The following RPTOR variants were observed in gnomAD, a reference collection of about 807,000 sequenced individuals.
RPTOR encodes the protein regulatory associated protein of MTOR complex 1.
A neutral mutation model predicts 169.9 loss-of-function variants in RPTOR; 21 were observed. The ratio of observed to expected loss-of-function variants is 0.12; its 90% CI spans 0.09 to 0.18. RPTOR has a LOEUF of 0.18. RPTOR is among the 10% of genes least tolerant of loss of function. The probability of loss-of-function intolerance (pLI) is 1.00; values close to 1 mark genes in which losing one functional copy is unlikely to be tolerated. For synonymous variants in RPTOR, 732 were observed against 753.2 expected (o/e 0.97, Z 0.46); for missense variants, 1,133 against 1,855.9 (o/e 0.61, Z 7.16).
intron 3 of RPTOR, among the ~76,000 whole-genome samples, chr17:80,699,953 C>T (rs2066070602): frequency 6.6e-6 from 1 of 152,114 alleles, no homozygotes; most frequent in Non-Finnish European, 1.5e-5. Flanking sequence ...TATCCAGTGT[C>T]TGGAAGAGCA....
intron 3 of RPTOR, among the ~76,000 whole-genome samples, chr17:80,647,904 C>T (rs2065609686): frequency 6.6e-6 from 1 of 152,126 alleles, no homozygotes; most frequent in Non-Finnish European, 1.5e-5. Context: ...CCATGCACAG[C>T]CCTGGTTTGT....
chr17:80,904,985 G>T (rs191363723), intron 20 of RPTOR, among the ~76,000 whole-genome samples: 1 of 151,954 alleles, frequency 6.6e-6, no homozygotes, highest in Admixed American at 6.6e-5. Context: ...CTGCACGAAG[G>T]TCGACAACAA....
intron 3 of RPTOR, among the ~76,000 whole-genome samples, chr17:80,669,849 T>A (rs1393042536): frequency 6.6e-6 from 1 of 152,236 alleles, no homozygotes; most frequent in Non-Finnish European, 1.5e-5. Flanking sequence ...TGATACTTAT[T>A]CAAATAATTC....
At chr17:80,703,401 C>T (rs995471549) in intron 3 of RPTOR, among the ~76,000 whole-genome samples, 1 of 152,130 alleles carries the variant, frequency 6.6e-6, no homozygotes, top group African/African-American at 2.4e-5. Flanking sequence ...GGCAGGCGCT[C>T]ACCCCACCTG....
chr17:80,919,945 C>T (rs192370411), intron 21 of RPTOR, among the ~76,000 whole-genome samples: 114 of 152,364 alleles, frequency 7.5e-4, no homozygotes, highest in African/African-American at 2.4e-3. Flanking sequence ...GAGAAGGGCG[C>T]CGTGTCCTCC....
At chr17:80,698,258 C>T (rs912826548) in intron 3 of RPTOR, among the ~76,000 whole-genome samples, 14 of 152,130 alleles carry the variant, frequency 9.2e-5, no homozygotes, top group East Asian at 5.8e-4. Flanking sequence ...GAGGCCAGTG[C>T]GGGCGCACCA....
chr17:80,575,031 T>G (rs1409925674), intron 1 of RPTOR, among the ~76,000 whole-genome samples: 1 of 151,936 alleles, frequency 6.6e-6, no homozygotes, highest in Non-Finnish European at 1.5e-5. Context: ...TTATTACCTT[T>G]TCCGCCATTC....
In RPTOR at chr17:80,650,925, G is replaced by T. The variant is rs115919002; in HGVS notation, c.348+7115G>T. Among the ~76,000 whole-genome samples the T allele has an allele frequency of 2.5e-3, 376 of 152,312 alleles. 2 individuals are homozygous for T. Among genetic ancestry groups the T allele is most frequent in the African/African-American group, 8.7e-3 (362 of 41,544 alleles). On this transcript the variant is annotated intron_variant, in intron 3 of 33. Coordinates refer to ENST00000306801, the MANE Select transcript of RPTOR (RefSeq NM_020761.3). Reference sequence around the variant, plus strand: ...AGTGTAATACTTTTAGAGAGAAGTAGGGGCTTAACTCTGTCCTTAACAGGC... The same window carrying T: ...AGTGTAATACTTTTAGAGAGAAGTATGGGCTTAACTCTGTCCTTAACAGGC...
chr17:80,572,928 G>A (rs1331244332), intron 1 of RPTOR, among the ~76,000 whole-genome samples: 1 of 152,124 alleles, frequency 6.6e-6, no homozygotes, highest in Non-Finnish European at 1.5e-5. Context: ...TGTATTATCT[G>A]TTAAGGCTTT....
At chr17:80,819,174 A>G (rs1208747843) in intron 7 of RPTOR, among the ~76,000 whole-genome samples, 1 of 152,176 alleles carries the variant, frequency 6.6e-6, no homozygotes, top group African/African-American at 2.4e-5. Flanking sequence ...CCTCCCCAGC[A>G]TCACCAGGGC....
intron 33 of RPTOR, among the ~76,000 whole-genome samples, 184 bp downstream of exon 33, chr17:80,963,241 G>A (rs1026472145): frequency 3.9e-5 from 6 of 152,036 alleles, no homozygotes; most frequent in Non-Finnish European, 7.4e-5. Flanking sequence ...CCCTGCACTC[G>A]CCCCGGAAGC....
At chr17:80,631,785 G>A (rs972402211) in intron 2 of RPTOR, among the ~76,000 whole-genome samples, 1 of 152,140 alleles carries the variant, frequency 6.6e-6, no homozygotes, top group African/African-American at 2.4e-5. Context: ...AGGAGGGCAG[G>A]GTGGCTGATT....
chr17:80,614,582 ACTT>A (rs1248001521), intron 1 of RPTOR, among the ~76,000 whole-genome samples: 1 of 152,278 alleles, frequency 6.6e-6, no homozygotes, highest in African/African-American at 2.4e-5. Context: ...GTTTCTCTCA[ACTT>A]CATGAGATCA....
intron 7 of RPTOR, among the ~76,000 whole-genome samples, chr17:80,798,737 T>C (rs2067126303): frequency 6.6e-6 from 1 of 152,132 alleles, no homozygotes; most frequent in African/African-American, 2.4e-5. Context: ...AGGCAGCACG[T>C]GTGTCTAAAA....
chr17:80,682,177 C>A (rs538953048), intron 3 of RPTOR, among the ~76,000 whole-genome samples: 1 of 141,026 alleles, frequency 7.1e-6, no homozygotes, highest in Admixed American at 7.7e-5. Flanking sequence ...AATCATGGGT[C>A]GCTGCAGCCT....
chr17:80,896,446 G>A (rs1446635611), intron 20 of RPTOR, among the ~76,000 whole-genome samples: 1 of 66,848 alleles, frequency 1.5e-5, no homozygotes, highest in Non-Finnish European at 3.1e-5. Context: ...CCACGGCCAT[G>A]CCGACACCCC....
intron 13 of RPTOR, among the ~76,000 whole-genome samples, chr17:80,879,451 C>T (rs574418887): frequency 2.2e-4 from 34 of 151,116 alleles, no homozygotes; most frequent in Non-Finnish European, 4.3e-4. Flanking sequence ...TCCCACATCC[C>T]GGGCCTGGAC....
At chr17:80,927,873 G>A (rs115724061) in intron 24 of RPTOR, among the ~76,000 whole-genome samples, 160 of 151,996 alleles carry the variant, frequency 1.1e-3, no homozygotes, top group African/African-American at 3.1e-3. Context: ...ATTCCCGCCC[G>A]CACGGAGGAG....
At chr17:80,779,594 G>A (rs1222445247) in intron 6 of RPTOR, among the ~76,000 whole-genome samples, 1 of 152,184 alleles carries the variant, frequency 6.6e-6, no homozygotes, top group African/African-American at 2.4e-5. Flanking sequence ...CTCCGACACA[G>A]TGGGGTTCAT....
Sources: gnomAD v4.1 joint callset for allele counts (sites outside exome capture counted in the v4.1 genomes callset) on GRCh38, gnomAD v4.1.1 for gene constraint, MANE v1.5 for transcripts, NCBI Gene and HGNC (gene_info 2026-07-23, HGNC 2026-07-21) for gene names.